ALOX15: variants seen among roughly 807,000 people sequenced by gnomAD.
ALOX15 encodes the protein polyunsaturated fatty acid lipoxygenase ALOX15.
A neutral mutation model predicts 71.7 loss-of-function variants in ALOX15; 68 were observed. The observed-to-expected ratio is 0.95, with a 90% confidence interval of 0.78 to 1.16. The LOEUF is 1.16. Ranked by LOEUF, ALOX15 falls within the 50% of genes most tolerant of loss-of-function variation. The probability of loss-of-function intolerance (pLI) is 0.00; values close to 1 mark genes in which losing one functional copy is unlikely to be tolerated. For synonymous variants in ALOX15, 346 were observed against 333.3 expected (o/e 1.04, Z -0.42); for missense variants, 798 against 818.8 (o/e 0.97, Z 0.31).
intron 1 of ALOX15, among the ~76,000 whole-genome samples, 175 bp downstream of exon 1, chr17:4,641,342 C>T (rs1911319679): frequency 6.6e-6 from 1 of 152,216 alleles, no homozygotes; most frequent in South Asian, 2.1e-4. Flanking sequence ...TACTGTGTGC[C>T]ACCGACTGCC....
chr17:4,638,739 A>T, intron 4 of ALOX15, 55 bp from the exon 5 acceptor site: 2 of 1,613,294 alleles, frequency 1.2e-6, no homozygotes, highest in Non-Finnish European at 8.5e-7. Flanking sequence ...CTCTAACATG[A>T]CGACCACAGG....
chr17:4,631,562 G>C lies in ALOX15; in HGVS notation c.*38C>G, dbSNP rs751354299. ...CCACGAAGGGGTCAGCTTGTGGCTT[G>C]GGTGATGGGGGCTGAAATAACCAAA... On this transcript the variant is annotated 3_prime_UTR_variant, in exon 14 of 14. Transcript: ENST00000293761. 8 of 1,603,592 alleles carry C rather than the reference G, an allele frequency of 5.0e-6. No homozygotes were observed. The East Asian group carries it at 1.8e-4, about 36-fold the overall frequency.
chr17:4,638,578 G>A lies in ALOX15; in HGVS notation c.646+3C>T. ...GGGAGACATACTGGGGTGGGGGACT[G>A]ACCAGCCAGCTTGCTCTGACCACAC... On this transcript the variant is annotated splice_donor_region_variant and intron_variant, in intron 5 of 13. Transcript: ENST00000293761. 6.2e-7 allele frequency: 1 copy of A among 1,613,838 alleles called. No individual in the cohort carries two copies.
At position 4,632,848 on chromosome 17, in the gene ALOX15, G is replaced by C; in HGVS notation, c.1540+13C>G. ...CTTTGTGTCTGAGATCTCAGGGCAG[G>C]GGCTCCTCTTACCTCGGTCCTGGGC... On this transcript the variant is annotated intron_variant, in intron 11 of 13. Coordinates refer to ENST00000293761, the MANE Select transcript of ALOX15 (RefSeq NM_001140.5). The C allele has an allele frequency of 6.2e-7, 1 of 1,614,038 alleles. No homozygotes were observed. The highest frequency in any genetic ancestry group is 1.1e-5 in the South Asian group (1 of 91,076).
chr17:4,640,185 C>T (rs1911269175), intron 1 of ALOX15, among the ~76,000 whole-genome samples: 1 of 129,328 alleles, frequency 7.7e-6, no homozygotes, highest in Admixed American at 8.3e-5. Context: ...TGTGGGGGGT[C>T]AGCAGGTCCG....
At chr17:4,636,395 CCAGA>C in intron 7 of ALOX15, among the ~76,000 whole-genome samples, 2 of 152,174 alleles carry the variant, frequency 1.3e-5, no homozygotes, top group Non-Finnish European at 1.5e-5. Context: ...TCAACATTGG[CCAGA>C]CAAAAATCCA....
rs957526404 is a variant in ALOX15 at position 4,637,662 on chromosome 17, C to A, written c.808-404G>T. 3.3e-5 allele frequency among the ~76,000 whole-genome samples: 5 copies of A among 152,320 alleles called. No individual in the cohort carries two copies. The East Asian group carries it at 9.6e-4, about 29-fold the overall frequency. ...CTCCTGGGCTCAGGTGATCCTCCTG[C>A]AGCCTCCCAAAGTGCTGGGATTACA... On this transcript the variant is annotated intron_variant, in intron 6 of 13. Coordinates refer to ENST00000293761, the MANE Select transcript of ALOX15 (RefSeq NM_001140.5).
Position 4,639,535 on chromosome 17 carries a change from AG to A in ALOX15, c.231del (p.Cys78AlafsTer29), listed in dbSNP as rs771239676. Reference sequence around the variant, plus strand: ...GGGCCCTGCACAGAGATCCAGTTGCAGAACCAGGCGTCGTCCTTAAGGAGGT... The same window carrying A: ...GGGCCCTGCACAGAGATCCAGTTGCAAACCAGGCGTCGTCCTTAAGGAGGT... ...KRHLLKDDAW[F>X]CNWISVQGPG... On this transcript the variant is annotated frameshift_variant, in exon 2 of 14. Transcript: ENST00000293761. LOFTEE classifies it high-confidence loss of function. 3 of 1,614,096 alleles carry A rather than the reference AG, an allele frequency of 1.9e-6. No individual in the cohort carries two copies. Among genetic ancestry groups the A allele is most frequent in the Admixed American group, 1.7e-5 (1 of 60,028 alleles).
At position 4,635,400 on chromosome 17, in the gene ALOX15, C is replaced by G. The variant is rs1394232064; in HGVS notation, c.1161+359G>C. ...AGTGAGCCGAGATCGCATCACTGCA[C>G]TCCAGTCTGGGCAAAGGGAGACTCC... On this transcript the variant is annotated intron_variant, in intron 8 of 13. Transcript: ENST00000293761. Among the ~76,000 whole-genome samples, 7 of 150,114 alleles carry G rather than the reference C, an allele frequency of 4.7e-5. No homozygotes were observed. The East Asian group carries it at 1.4e-3, about 29-fold the overall frequency.
chr17:4,635,829 C>A lies in ALOX15; in HGVS notation c.1091G>T (p.Gly364Val). 3 of 1,614,258 alleles carry A rather than the reference C, an allele frequency of 1.9e-6. No homozygotes were observed. The highest frequency in any genetic ancestry group is 2.5e-6 in the Non-Finnish European group (3 of 1,180,050). ...LHELQSHLLR[G>V]HLMAEVIVVA... ...AACAATGACCTCAGCCATCAAGTGT[C>A]CCCTCAGAAGATGAGACTGCAGCTC... Residue 364 changes from glycine to valine, a missense_variant, in exon 8 of 14, where the codon GGA (glycine) becomes GTA (valine). Coordinates refer to ENST00000293761, the MANE Select transcript of ALOX15 (RefSeq NM_001140.5).
rs867866705 is a variant in ALOX15 at position 4,635,811 on chromosome 17, A to T, written c.1109T>A (p.Val370Asp). Residue 370 changes from valine to aspartate, a missense_variant, in exon 8 of 14, where the codon GTC becomes GAC. Around this residue, in one of 3 missense-constraint regions of ALOX15, gnomAD observed 490 missense variants for 509.4 expected, o/e 0.96. Coordinates refer to ENST00000293761, the MANE Select transcript of ALOX15 (RefSeq NM_001140.5). ...GCACCTCATGGTGGCCACAACAATGACCTCAGCCATCAAGTGTCCCCTCAG... is the reference window on the plus strand; with the variant it reads ...GCACCTCATGGTGGCCACAACAATGTCCTCAGCCATCAAGTGTCCCCTCAG... ...HLLRGHLMAEVIVVATMRCLP... is the reference protein window; with the variant it reads ...HLLRGHLMAEDIVVATMRCLP... 1 of 1,614,062 alleles carries T rather than the reference A, an allele frequency of 6.2e-7. No homozygotes were observed. The highest frequency in any genetic ancestry group is 1.3e-5 in the African/African-American group (1 of 74,912).
At position 4,638,613 on chromosome 17, in the gene ALOX15, C is replaced by T. The variant is rs11568101; in HGVS notation, c.614G>A (p.Arg205Gln). ...TCWKDLDDFN[R>Q]IFWCGQSKLA... ...CTTGCTCTGACCACACCAGAAAATCCGGTTGAAGTCATCTAGATCCTTCCA... is the reference window on the plus strand; with the variant it reads ...CTTGCTCTGACCACACCAGAAAATCTGGTTGAAGTCATCTAGATCCTTCCA... The change falls in exon 5 of 14, where the codon CGG becomes CAG. Residue 205 changes from arginine to glutamine, a missense_variant. Arg to Gln is a conservative substitution (Grantham distance 43, BLOSUM62 1). This residue lies in a region of ALOX15 where 300 missense variants were observed against 283.1 expected (regional missense o/e 1.06). Coordinates refer to ENST00000293761, the MANE Select transcript of ALOX15 (RefSeq NM_001140.5). 1.9e-3 allele frequency: 3,003 copies of T among 1,614,106 alleles called. 46 individuals carry two copies. The African/African-American group carries it at 0.034, about 18-fold the overall frequency.
At chr17:4,637,284 T>C in intron 6 of ALOX15, 26 bp from the exon 7 acceptor site, 1 of 1,590,752 alleles carries the variant, frequency 6.3e-7, no homozygotes, top group Non-Finnish European at 8.6e-7. Context: ...GGTCAAGGGC[T>C]GCTATCAACA....
intron 8 of ALOX15, among the ~76,000 whole-genome samples, chr17:4,633,966 T>A (rs1295743636): frequency 6.6e-6 from 1 of 152,066 alleles, no homozygotes; most frequent in African/African-American, 2.4e-5. Context: ...TACTTATAAG[T>A]GAGAGCTAAA....
In ALOX15 at chr17:4,641,635, A is replaced by C. The variant is rs1188533571; in HGVS notation, c.17T>G (p.Ile6Ser). The C allele has an allele frequency of 3.1e-6, 5 of 1,613,496 alleles. No homozygotes were observed. The highest frequency in any genetic ancestry group is 4.2e-6 in the Non-Finnish European group (5 of 1,180,010). The change falls in exon 1 of 14, where the codon ATC (isoleucine) becomes AGC (serine). Residue 6 changes from isoleucine (I) to serine (S), a missense_variant. By Grantham distance (142) the Ile-to-Ser change is moderately radical. Coordinates refer to ENST00000293761, the MANE Select transcript of ALOX15 (RefSeq NM_001140.5). Reference sequence around the variant, plus strand: ...GAGCGAGGCCCCAGTGGACACGCGGATGCGGTAGAGACCCATCTTGCTCAA... The same window carrying C: ...GAGCGAGGCCCCAGTGGACACGCGGCTGCGGTAGAGACCCATCTTGCTCAA... MGLYRIRVSTGASLYA... is the reference protein window; with the variant it reads MGLYRSRVSTGASLYA...
rs1363505086 is a variant in ALOX15 at position 4,638,731 on chromosome 17, C to T, written c.543-47G>A. Reference sequence around the variant, plus strand: ...AGGGTTTGAGCATCATTCTGAGGCTCTAACATGACGACCACAGGCACCGAT... The same window carrying T: ...AGGGTTTGAGCATCATTCTGAGGCTTTAACATGACGACCACAGGCACCGAT... On this transcript the variant is annotated intron_variant, in intron 4 of 13. Transcript: ENST00000293761. 3 of 1,613,366 alleles carry T rather than the reference C, an allele frequency of 1.9e-6. No individual in the cohort carries two copies. The African/African-American group carries it at 4.0e-5, about 22-fold the overall frequency.
chr17:4,637,269 G>A lies in ALOX15; in HGVS notation c.808-11C>T, dbSNP rs765717220. ...GAACAGTGTGCCTCCCTGGGTGGGG[G>A]AAGAGGTCAAGGGCTGCTATCAACA... On this transcript the variant is annotated splice_polypyrimidine_tract_variant and intron_variant, in intron 6 of 13. Coordinates refer to ENST00000293761, the MANE Select transcript of ALOX15 (RefSeq NM_001140.5). The A allele has an allele frequency of 1.9e-6, 3 of 1,606,188 alleles. No homozygotes were observed. The highest frequency in any genetic ancestry group is 1.3e-5 in the African/African-American group (1 of 74,902).
intron 8 of ALOX15, among the ~76,000 whole-genome samples, chr17:4,635,222 G>A (rs1372524622): frequency 6.6e-6 from 1 of 151,908 alleles, no homozygotes; most frequent in South Asian, 2.1e-4. Flanking sequence ...TCTGAGGTCA[G>A]GCATTCGAGA....
In ALOX15 at chr17:4,631,342, T is replaced by C. The variant is rs775526353; in HGVS notation, c.*258A>G. 1.9e-6 allele frequency: 1 copy of C among 520,574 alleles called. No homozygotes were observed. The highest frequency in any genetic ancestry group is 3.4e-6 in the Non-Finnish European group (1 of 293,996). The allele number at this position is 520,574 out of a possible 1,614,324, so 32.2% of individuals were successfully genotyped here. ...TATATAATTGTGGCTATTTGCCATA[T>C]AGATCTGAATGAAGAAAGAGGAAGA... On this transcript the variant is annotated 3_prime_UTR_variant, in exon 14 of 14. Coordinates refer to ENST00000293761, the MANE Select transcript of ALOX15 (RefSeq NM_001140.5).
Sources: allele counts gnomAD v4.1 joint callset (sites outside exome capture counted in the v4.1 genomes callset), GRCh38; gene constraint gnomAD v4.1.1; regional missense constraint gnomAD v4.1.1; transcripts MANE v1.5; gene names NCBI Gene and HGNC (gene_info 2026-07-23, HGNC 2026-07-21).